ELF2: variants seen among roughly 807,000 people sequenced by gnomAD.
The protein encoded by ELF2 is ETS-related transcription factor Elf-2.
In ELF2, 11 loss-of-function variants were observed where a neutral mutation model predicts 54.8. The ratio of observed to expected loss-of-function variants is 0.20; its 90% confidence interval spans 0.13 to 0.33. The LOEUF (loss-of-function observed/expected upper bound fraction) is 0.33, where lower values mean the gene tolerates loss of function less well. Ranked by LOEUF, ELF2 falls within the 10% of genes least tolerant of loss-of-function variation. The pLI, the probability that ELF2 is intolerant of heterozygous loss-of-function variation, is 1.00. For synonymous variants in ELF2, 203 were observed against 245.1 expected (o/e 0.83, Z 1.61); for missense variants, 513 against 703.0 (o/e 0.73, Z 3.06).
intron 4 of ELF2, among the ~76,000 whole-genome samples, chr4:139,118,748 A>C (rs1180000664): frequency 1.3e-5 from 2 of 152,196 alleles, no homozygotes; most frequent in Non-Finnish European, 2.9e-5. Flanking sequence ...AAAGTTAAAC[A>C]AATATTCCAT....
chr4:139,058,771 G>A lies in ELF2; in HGVS notation c.*212C>T. On this transcript the variant is annotated 3_prime_UTR_variant, in exon 10 of 10. Transcript: ENST00000686138. ...TTGATGGGTTCAGTTGTTTCCTACT[G>A]TAAGAGGCAGTTTTCTGTCAGCATC... The A allele has an allele frequency of 1.6e-6, 1 of 612,412 alleles. No homozygotes were observed. Among genetic ancestry groups the A allele is most frequent in the Non-Finnish European group, 2.6e-6 (1 of 377,848 alleles). The allele number at this position is 612,412 out of a possible 1,614,324, so 37.9% of individuals were successfully genotyped here.
intron 3 of ELF2, among the ~76,000 whole-genome samples, chr4:139,127,595 T>C (rs186789108): frequency 6.6e-6 from 1 of 151,964 alleles, no homozygotes; most frequent in East Asian, 1.9e-4. Context: ...GTCAAAACAA[T>C]AGCACCTCTG....
intron 4 of ELF2, among the ~76,000 whole-genome samples, chr4:139,080,299 T>A (rs1163520784): frequency 2.0e-5 from 3 of 152,214 alleles, no homozygotes; most frequent in Non-Finnish European, 4.4e-5. Flanking sequence ...ATGAGCTTTT[T>A]AAAAAGAAAA....
At chr4:139,086,509 T>C (rs1731997664) in intron 4 of ELF2, among the ~76,000 whole-genome samples, 1 of 152,230 alleles carries the variant, frequency 6.6e-6, no homozygotes, top group Admixed American at 6.5e-5. Flanking sequence ...ATGTTACTGA[T>C]TTATTTAATA....
intron 7 of ELF2, among the ~76,000 whole-genome samples, chr4:139,065,542 T>C (rs187853622): frequency 6.6e-6 from 1 of 152,214 alleles, no homozygotes; most frequent in African/African-American, 2.4e-5. Context: ...AAAGAGAAGC[T>C]TTCTTTACCA....
At chr4:139,115,423 C>A in intron 4 of ELF2, 12 of 990,238 alleles carry the variant, frequency 1.2e-5, no homozygotes, top group Non-Finnish European at 1.4e-5. Flanking sequence ...CCTGCGCCAC[C>A]GCCTCCGGGA....
chr4:139,124,864 A>G (rs988204115), intron 4 of ELF2, among the ~76,000 whole-genome samples: 3 of 152,198 alleles, frequency 2.0e-5, no homozygotes, highest in Non-Finnish European at 4.4e-5. Flanking sequence ...ATTGACTTGT[A>G]TAAATAACAG....
chr4:139,092,414 T>TAACATACATA (rs70940488), intron 4 of ELF2, among the ~76,000 whole-genome samples: 55 of 87,774 alleles, frequency 6.3e-4, no homozygotes, highest in African/African-American at 1.9e-3. Flanking sequence ...TAACATAACA[T>TAACATACATA]ACATAACATA....
intron 1 of ELF2, among the ~76,000 whole-genome samples, chr4:139,167,736 T>C (rs915614756): frequency 6.6e-6 from 1 of 152,156 alleles, no homozygotes. Flanking sequence ...TCGATGAATT[T>C]TAAGGGACAA....
chr4:139,145,736 A>G (rs1739167000), intron 1 of ELF2, among the ~76,000 whole-genome samples: 1 of 152,242 alleles, frequency 6.6e-6, no homozygotes, highest in Non-Finnish European at 1.5e-5. Flanking sequence ...ATGGTTTAAC[A>G]TATGCAAGTC....
intron 3 of ELF2, among the ~76,000 whole-genome samples, chr4:139,136,064 T>A (rs1738120173): frequency 6.6e-6 from 1 of 152,134 alleles, no homozygotes; most frequent in Non-Finnish European, 1.5e-5. Flanking sequence ...AGAGCAAAAC[T>A]ATATGGCAGG....
At chr4:139,101,278 TG>T (rs1044124569) in intron 4 of ELF2, among the ~76,000 whole-genome samples, 5 of 152,174 alleles carry the variant, frequency 3.3e-5, no homozygotes, top group African/African-American at 1.2e-4. Context: ...TCTAATTTCT[TG>T]CTCTAGTTCA....
intron 1 of ELF2, among the ~76,000 whole-genome samples, chr4:139,174,186 G>A (rs370779033): frequency 2.9e-5 from 4 of 136,510 alleles, no homozygotes; most frequent in Admixed American, 2.3e-4. Flanking sequence ...CAGCCTAGGC[G>A]ACAGAGCGAG....
At chr4:139,163,201 A>G (rs994069459) in intron 1 of ELF2, among the ~76,000 whole-genome samples, 7 of 152,236 alleles carry the variant, frequency 4.6e-5, no homozygotes, top group African/African-American at 1.4e-4. Context: ...ATTCTAACTA[A>G]TGTATATAAT....
chr4:139,083,483 G>A (rs2148731837), intron 4 of ELF2, among the ~76,000 whole-genome samples: 1 of 152,284 alleles, frequency 6.6e-6, no homozygotes, highest in East Asian at 1.9e-4. Context: ...ATTATTAAGT[G>A]ACCCTGTCCA....
chr4:139,059,696 A>ATT, intron 9 of ELF2, 89 bp from the exon 10 acceptor site: 1 of 1,477,404 alleles, frequency 6.8e-7, no homozygotes, highest in Non-Finnish European at 9.0e-7. Context: ...CAAATCCAAA[A>ATT]TGTGTAAAAT....
chr4:139,071,799 T>C (rs1729547034), intron 6 of ELF2, 67 bp downstream of exon 6: 3 of 1,439,392 alleles, frequency 2.1e-6, no homozygotes, highest in South Asian at 1.4e-5. Flanking sequence ...TCTATGTCCC[T>C]TGATGAGGAA....
In ELF2 at chr4:139,081,984, A is replaced by G. The variant is rs183354171; in HGVS notation, c.239-8417T>C. On this transcript the variant is annotated intron_variant, in intron 4 of 9. Coordinates refer to ENST00000686138, the MANE Select transcript of ELF2 (RefSeq NM_001331036.3). ...GTAGAGCTGGAAAACAGCACTTTTT[A>G]AAACCCCTTATCAAAAGACAAAACT... Among the ~76,000 whole-genome samples the G allele has an allele frequency of 7.4e-4, 112 of 152,326 alleles. 1 individual carries two copies. Among genetic ancestry groups the G allele is most frequent in the Middle Eastern group, 3.4e-3 (1 of 294 alleles).
Position 139,060,320 on chromosome 4 carries a change from T to A in ELF2, c.1157+4A>T, listed in dbSNP as rs759307904. ...CATTGTAACTAATGGTTTGCTTCAC[T>A]TACCTTGGAGCTGCTGTTGCTGACA... On this transcript the variant is annotated splice_donor_region_variant and intron_variant, in intron 9 of 9. Transcript: ENST00000686138. 1 of 1,580,718 alleles carries A rather than the reference T, an allele frequency of 6.3e-7. No individual in the cohort carries two copies. The highest frequency in any genetic ancestry group is 1.9e-5 in the Admixed American group (1 of 52,984).
Sources: gnomAD v4.1 joint callset for allele counts (sites outside exome capture counted in the v4.1 genomes callset) on GRCh38, gnomAD v4.1.1 for gene constraint, MANE v1.5 for transcripts, NCBI Gene and HGNC (gene_info 2026-07-23, HGNC 2026-07-21) for gene names.